Variants in TMEM126A observed in about 807,000 individuals in gnomAD.
TMEM126A encodes transmembrane protein 126A, also known as optic atrophy 7.
A neutral mutation model predicts 18.3 loss-of-function variants in TMEM126A; 10 were observed. That is an observed-to-expected ratio of 0.55 (90% CI 0.34 to 0.93). TMEM126A has a LOEUF of 0.93. Among genes scored for constraint, TMEM126A ranks in the 40% least tolerant of loss-of-function variants. The pLI is 0.02. For missense variants in TMEM126A, 246 were observed against 230.2 expected, an observed-to-expected ratio of 1.07 and a Z score of -0.44; for synonymous variants, 68 against 78.1, an observed-to-expected ratio of 0.87 and a Z score of 0.68.
chr11:85,655,091 A>G (rs1390696472), intron 3 of TMEM126A, among the ~76,000 whole-genome samples: 1 of 152,190 alleles, frequency 6.6e-6, no homozygotes, highest in Non-Finnish European at 1.5e-5. Flanking sequence ...ATCATAAAAA[A>G]AACTTTTGAT....
Position 85,655,598 on chromosome 11 carries a change from T to A in TMEM126A, c.285T>A (p.Asp95Glu). The A allele has an allele frequency of 6.2e-7, 1 of 1,611,360 alleles. No individual in the cohort carries two copies. Among genetic ancestry groups the A allele is most frequent in the Non-Finnish European group, 8.5e-7 (1 of 1,177,616 alleles). ...CFVSFPLNTG[D>E]LDCETCTITR... ...TATGACTAATTTATTTCCTAGGTGA[T>A]TTGGATTGTGAAACCTGTACCATAA... The change falls in exon 4 of 5, where the codon GAT (aspartate) becomes GAA (glutamate). Residue 95 changes from aspartate to glutamate, a missense_variant. Physicochemically the swap from Asp to Glu is conservative, Grantham distance 45 (BLOSUM62 2). Coordinates refer to ENST00000304511, the MANE Select transcript of TMEM126A (RefSeq NM_032273.4).
At chr11:85,655,847 T>C (rs1439367100) in intron 4 of TMEM126A, 139 bp downstream of exon 4, 5 of 630,834 alleles carry the variant, frequency 7.9e-6, no homozygotes, top group South Asian at 3.8e-5. Context: ...AGACCTGTTT[T>C]TTCTTATAAT....
rs757971284 is a variant in TMEM126A at position 85,656,345 on chromosome 11, C to T, written c.432C>T (p.Ile144=). 6.2e-7 allele frequency: 1 copy of T among 1,612,310 alleles called. No individual in the cohort carries two copies. The highest frequency in any genetic ancestry group is 8.5e-7 in the Non-Finnish European group (1 of 1,179,548). Residue 144 remains isoleucine, a synonymous_variant, in exon 5 of 5, where the codon ATC becomes ATT. Transcript: ENST00000304511. ...CTCTGTTACCACACAAAGGGAACAT[C>T]TTAAGTTACTGGATTAGAACTTCTA... ...QSALLPHKGN[I]LSYWIRTSKP...
At chr11:85,654,618 A>G (rs2082524168) in intron 3 of TMEM126A, among the ~76,000 whole-genome samples, 1 of 151,796 alleles carries the variant, frequency 6.6e-6, no homozygotes, top group Non-Finnish European at 1.5e-5. Flanking sequence ...TGCCCGGCTA[A>G]TTTTTTGTAT....
intron 1 of TMEM126A, among the ~76,000 whole-genome samples, chr11:85,649,913 G>C (rs2082486894): frequency 2.0e-5 from 3 of 151,996 alleles, no homozygotes; most frequent in Admixed American, 6.6e-5. Flanking sequence ...CAGTTCTATT[G>C]CATTTTCTCC....
intron 3 of TMEM126A, among the ~76,000 whole-genome samples, chr11:85,654,603 C>G (rs1039787714): frequency 1.3e-5 from 2 of 152,116 alleles, no homozygotes; most frequent in Non-Finnish European, 2.9e-5. Flanking sequence ...AGGTGCCCAC[C>G]ACCATGCCCG....
chr11:85,654,171 A>T lies in TMEM126A; in HGVS notation c.195A>T (p.Ile65=), dbSNP rs768104829. The T allele has an allele frequency of 6.2e-7, 1 of 1,614,218 alleles. No homozygotes were observed. The highest frequency in any genetic ancestry group is 1.7e-5 in the Admixed American group (1 of 60,034). The change falls in exon 3 of 5, where the codon ATA becomes ATT. Residue 65 remains isoleucine, a synonymous_variant. Transcript: ENST00000304511. The part of the protein sequence containing the change: ...RRILNVTKAR[I]AAGLPMAGIP... ...TCTTGAATGTGACAAAGGCTCGCAT[A>T]GCTGCTGGCTTACCAATGGCAGGGA...
chr11:85,650,223 G>A (rs1308396347), intron 1 of TMEM126A, 26 bp from the exon 2 acceptor site: 6 of 1,403,442 alleles, frequency 4.3e-6, no homozygotes, highest in Middle Eastern at 4.6e-4. Context: ...AAATTCTTGA[G>A]AAATGATATC....
Position 85,656,465 on chromosome 11 carries a change from C to G in TMEM126A, c.552C>G (p.Ala184=). ...GSEQYKLLIK[A]LQLSEPGKEI... Reference sequence around the variant, plus strand: ...AACAATATAAACTACTTATAAAGGCCCTTCAGTTATCTGAACCTGGCAAAG... The same window carrying G: ...AACAATATAAACTACTTATAAAGGCGCTTCAGTTATCTGAACCTGGCAAAG... Residue 184 remains alanine (A), a synonymous_variant, in exon 5 of 5, where the codon GCC becomes GCG. Transcript: ENST00000304511. The G allele has an allele frequency of 2.5e-6, 4 of 1,613,076 alleles. No individual in the cohort carries two copies. In the South Asian group the frequency reaches 4.4e-5, roughly 18 times the overall value.
chr11:85,654,258 T>TA lies in TMEM126A; in HGVS notation c.280+5dup. 1 of 1,613,740 alleles carries TA rather than the reference T, an allele frequency of 6.2e-7. No homozygotes were observed. Among genetic ancestry groups the TA allele is most frequent in the Non-Finnish European group, 8.5e-7 (1 of 1,179,766 alleles). ...TTGTAAGTTTTCCTTTGAATACAGGTAAATTCTACTTCACTATCACCAAAG... is the reference window on the plus strand; with the variant it reads ...TTGTAAGTTTTCCTTTGAATACAGGTAAAATTCTACTTCACTATCACCAAAG... On this transcript the variant is annotated splice_region_variant and intron_variant, in intron 3 of 4. Transcript: ENST00000304511.
At chr11:85,652,335 C>G (rs190450196) in intron 2 of TMEM126A, among the ~76,000 whole-genome samples, 27 of 152,286 alleles carry the variant, frequency 1.8e-4, no homozygotes, top group African/African-American at 5.8e-4. Flanking sequence ...TTATCTTTGC[C>G]TTGTTCCTAT....
intron 3 of TMEM126A, 72 bp downstream of exon 3, chr11:85,654,328 T>A (rs900924118): frequency 7.0e-7 from 1 of 1,419,740 alleles, no homozygotes. Context: ...TCCATACTTA[T>A]TAATATCAAG....
intron 1 of TMEM126A, among the ~76,000 whole-genome samples, chr11:85,649,912 T>G (rs2082486879): frequency 6.6e-6 from 1 of 152,256 alleles, no homozygotes; most frequent in South Asian, 2.1e-4. Flanking sequence ...TCAGTTCTAT[T>G]GCATTTTCTC....
At chr11:85,649,576 C>A (rs191267568) in intron 1 of TMEM126A, among the ~76,000 whole-genome samples, 42 of 152,306 alleles carry the variant, frequency 2.8e-4, no homozygotes, top group African/African-American at 9.4e-4. Context: ...ATACCAAATT[C>A]TTTCCCAAAG....
At chr11:85,650,576 G>GT (rs1421368377) in intron 2 of TMEM126A, among the ~76,000 whole-genome samples, 2 of 152,160 alleles carry the variant, frequency 1.3e-5, no homozygotes, top group African/African-American at 4.8e-5. Flanking sequence ...AATGTTTTGA[G>GT]TTTTTCCATT....
At chr11:85,654,374 T>C (rs1428500694) in intron 3 of TMEM126A, 118 bp downstream of exon 3, 1 of 1,016,392 alleles carries the variant, frequency 9.8e-7, no homozygotes, top group Non-Finnish European at 1.5e-6. Context: ...GATTAAATCT[T>C]GCTAGCCTAT....
intron 2 of TMEM126A, among the ~76,000 whole-genome samples, chr11:85,650,654 A>G (rs771799825): frequency 2.4e-4 from 37 of 152,266 alleles, no homozygotes; most frequent in Non-Finnish European, 1.3e-4. Context: ...TAACTTTTAA[A>G]ATGTCTTTTT....
intron 3 of TMEM126A, 58 bp from the exon 4 acceptor site, chr11:85,655,536 T>A: frequency 8.0e-7 from 1 of 1,249,630 alleles, no homozygotes; most frequent in Non-Finnish European, 1.2e-6. Flanking sequence ...TTACATTCTT[T>A]AAATCATGTT....
At chr11:85,648,629 C>G (rs1041868116) in intron 1 of TMEM126A, among the ~76,000 whole-genome samples, 4 of 152,268 alleles carry the variant, frequency 2.6e-5, no homozygotes, top group Admixed American at 2.6e-4. Context: ...TTTCACCACC[C>G]CATACACAAA....
Sources: gnomAD v4.1 joint callset for allele counts (sites outside exome capture counted in the v4.1 genomes callset) on GRCh38, gnomAD v4.1.1 for gene constraint, MANE v1.5 for transcripts, NCBI Gene and HGNC (gene_info 2026-07-23, HGNC 2026-07-21) for gene names.